Variants in RBFOX1 observed in about 807,000 individuals in gnomAD.
The protein encoded by RBFOX1 is RNA binding protein fox-1 homolog 1.
In RBFOX1, 8 loss-of-function variants were observed where a neutral mutation model predicts 57.7. The ratio of observed to expected loss-of-function variants is 0.14; its 90% CI spans 0.08 to 0.25. The LOEUF is 0.25. Among genes scored for constraint, RBFOX1 ranks in the 10% least tolerant of loss-of-function variants. RBFOX1 has a pLI of 1.00. For missense variants in RBFOX1, 611 were observed against 548.5 expected (o/e 1.11, Z -1.14); for synonymous variants, 326 against 222.4 (o/e 1.47, Z -4.15).
chr16:7,168,827 C>T (rs911343560), intron 4 of RBFOX1, among the ~76,000 whole-genome samples: 1 of 152,274 alleles, frequency 6.6e-6, no homozygotes, highest in East Asian at 1.9e-4. Context: ...ATAATTCATG[C>T]AGTCTTCATT....
chr16:6,227,114 A>G (rs1178564993), intron 1 of RBFOX1, among the ~76,000 whole-genome samples: 1 of 151,442 alleles, frequency 6.6e-6, no homozygotes, highest in Admixed American at 6.6e-5. Flanking sequence ...ACAGGGCGAG[A>G]CTCTGTCTCA....
rs536582428 is a variant in RBFOX1 at position 7,283,732 on chromosome 16, C to G, written c.27+231634C>G. The stretch of plus-strand genomic sequence containing the variant: ...GAGCTTGCCAGAAGTGAGAAAGGAT[C>G]TCTTCTGGACTTGATCTAGATCATG... On this transcript the variant is annotated intron_variant, in intron 4 of 15. Coordinates refer to ENST00000550418, the MANE Select transcript of RBFOX1 (RefSeq NM_018723.4). Among the ~76,000 whole-genome samples, 9 of 152,294 alleles carry G rather than the reference C, an allele frequency of 5.9e-5. No individual in the cohort carries two copies. In the South Asian group the frequency reaches 1.9e-3, roughly 32 times the overall value.
chr16:6,446,204 A>AT (rs1348273823), intron 2 of RBFOX1, among the ~76,000 whole-genome samples: 1 of 151,892 alleles, frequency 6.6e-6, no homozygotes, highest in East Asian at 2.0e-4. Flanking sequence ...GGGTCTTGTC[A>AT]TGTTGCCCAG....
At chr16:7,168,737 C>G (rs901140132) in intron 4 of RBFOX1, among the ~76,000 whole-genome samples, 10 of 152,156 alleles carry the variant, frequency 6.6e-5, no homozygotes, top group Non-Finnish European at 1.3e-4. Context: ...CTAAAAATAT[C>G]CATAACACAT....
intron 2 of RBFOX1, among the ~76,000 whole-genome samples, chr16:6,604,455 G>C (rs1267074614): frequency 6.6e-6 from 1 of 151,958 alleles, no homozygotes; most frequent in Non-Finnish European, 1.5e-5. Context: ...GTGCATTCTT[G>C]TTATATAAGA....
intron 4 of RBFOX1, among the ~76,000 whole-genome samples, chr16:5,908,348 G>A (rs1198974501): frequency 2.5e-5 from 2 of 80,828 alleles, no homozygotes; most frequent in Non-Finnish European, 6.0e-5. Context: ...GTGTGTGTGT[G>A]TGTGTCTGTG....
chr16:6,044,197 G>C (rs761205579), intron 1 of RBFOX1, among the ~76,000 whole-genome samples: 1 of 152,138 alleles, frequency 6.6e-6, no homozygotes, highest in Non-Finnish European at 1.5e-5. Context: ...TCTTGAATTA[G>C]GCTAGGCTAA....
chr16:5,586,730 G>C (rs12325283), intron 2 of RBFOX1, among the ~76,000 whole-genome samples: 39,541 of 151,996 alleles, frequency 0.26, 6,589 homozygotes, highest in East Asian at 0.5. Context: ...AACTCGTGGC[G>C]TCAATGATCT....
chr16:7,112,573 C>A (rs2151610991), intron 4 of RBFOX1, among the ~76,000 whole-genome samples: 1 of 151,984 alleles, frequency 6.6e-6, no homozygotes, highest in South Asian at 2.1e-4. Context: ...TATTCAGAAC[C>A]TATAATAGCT....
chr16:7,379,746 T>TTGCC (rs1010841799), intron 4 of RBFOX1, among the ~76,000 whole-genome samples: 12 of 151,122 alleles, frequency 7.9e-5, no homozygotes, highest in Admixed American at 2.6e-4. Flanking sequence ...GCCTGCCTGC[T>TTGCC]TGCCTGCCTG....
chr16:6,023,484 A>T (rs367789828), intron 1 of RBFOX1, among the ~76,000 whole-genome samples: 6 of 152,324 alleles, frequency 3.9e-5, no homozygotes, highest in African/African-American at 1.2e-4. Flanking sequence ...CTGACATTTC[A>T]CCTTTCCAAA....
At chr16:5,858,912 A>G (rs1266942774) in intron 3 of RBFOX1, among the ~76,000 whole-genome samples, 3 of 152,180 alleles carry the variant, frequency 2.0e-5, no homozygotes, top group African/African-American at 7.2e-5. Flanking sequence ...GAAGCTGCCT[A>G]CTTCAGAAAT....
intron 3 of RBFOX1, among the ~76,000 whole-genome samples, chr16:5,810,512 C>T (rs896990211): frequency 5.3e-5 from 8 of 152,110 alleles, no homozygotes; most frequent in Non-Finnish European, 7.3e-5. Context: ...AATACACAGG[C>T]GATGCTCAGC....
At chr16:6,894,105 G>A (rs971687761) in intron 3 of RBFOX1, among the ~76,000 whole-genome samples, 1 of 152,170 alleles carries the variant, frequency 6.6e-6, no homozygotes, top group Non-Finnish European at 1.5e-5. Flanking sequence ...TAGACGAACA[G>A]ATACAAACAT....
chr16:7,064,420 C>A (rs540834150), intron 4 of RBFOX1, among the ~76,000 whole-genome samples: 147 of 152,236 alleles, frequency 9.7e-4, no homozygotes, highest in African/African-American at 3.4e-3. Context: ...CTGCCTGCCT[C>A]AGCCTCCCAA....
intron 3 of RBFOX1, among the ~76,000 whole-genome samples, chr16:6,861,966 G>T (rs2059105076): frequency 6.6e-6 from 1 of 151,640 alleles, no homozygotes; most frequent in Non-Finnish European, 1.5e-5. Context: ...ATATGCAATG[G>T]GAGGCTTGAA....
chr16:7,448,316 A>G (rs2098824202), intron 4 of RBFOX1, among the ~76,000 whole-genome samples: 1 of 152,238 alleles, frequency 6.6e-6, no homozygotes, highest in African/African-American at 2.4e-5. Flanking sequence ...CTGCTAATAA[A>G]GACATACCTG....
chr16:6,110,863 G>A (rs544381235), intron 1 of RBFOX1, among the ~76,000 whole-genome samples: 3 of 152,168 alleles, frequency 2.0e-5, no homozygotes, highest in Admixed American at 6.5e-5. Context: ...CCAGTGCACA[G>A]CACCAGCCCC....
intron 1 of RBFOX1, among the ~76,000 whole-genome samples, chr16:6,162,768 C>T (rs978927858): frequency 6.6e-6 from 1 of 152,182 alleles, no homozygotes; most frequent in Non-Finnish European, 1.5e-5. Context: ...GAGTCTTGCT[C>T]TGTCACCCAG....
Sources: allele counts gnomAD v4.1 joint callset (sites outside exome capture counted in the v4.1 genomes callset), GRCh38; gene constraint gnomAD v4.1.1; transcripts MANE v1.5; gene names NCBI Gene and HGNC (gene_info 2026-07-23, HGNC 2026-07-21).